SH3GL2: variants seen among roughly 807,000 people sequenced by gnomAD.
The protein encoded by SH3GL2 is SH3 domain containing GRB2 like 2, endophilin A1, also known as endophilin-A1.
A neutral mutation model predicts 46.0 loss-of-function variants in SH3GL2; 24 were observed. The ratio of observed to expected loss-of-function variants is 0.52; its 90% CI spans 0.38 to 0.73. The LOEUF is 0.73. SH3GL2 is among the 30% of genes least tolerant of loss of function. SH3GL2 has a pLI of 0.00. For synonymous variants in SH3GL2, 196 were observed against 147.1 expected, an observed-to-expected ratio of 1.33 and a Z score of -2.40; for missense variants, 413 against 424.2, an observed-to-expected ratio of 0.97 and a Z score of 0.23.
chr9:17,599,940 C>CTT (rs796276528), intron 1 of SH3GL2, among the ~76,000 whole-genome samples: 57 of 145,822 alleles, frequency 3.9e-4, no homozygotes, highest in African/African-American at 1.2e-3. Flanking sequence ...GACTGCCTAT[C>CTT]TTTTTTTTTT....
At chr9:17,671,903 C>A (rs561508563) in intron 1 of SH3GL2, among the ~76,000 whole-genome samples, 34 of 152,272 alleles carry the variant, frequency 2.2e-4, no homozygotes, top group Middle Eastern at 3.4e-3. Context: ...AGTATTTAAT[C>A]TTGTCTCATA....
intron 1 of SH3GL2, among the ~76,000 whole-genome samples, chr9:17,679,738 C>G (rs1408894343): frequency 1.3e-5 from 2 of 152,056 alleles, no homozygotes; most frequent in East Asian, 1.9e-4. Flanking sequence ...CAGGTTTTGC[C>G]CATTCAGTAT....
intron 1 of SH3GL2, among the ~76,000 whole-genome samples, chr9:17,714,219 C>G (rs942116292): frequency 1.3e-4 from 19 of 151,476 alleles, no homozygotes; most frequent in African/African-American, 4.4e-4. Flanking sequence ...ATTCTATTAC[C>G]TTTTTTCCTA....
chr9:17,652,189 A>AAAGCTCAGT (rs1199149232), intron 1 of SH3GL2, among the ~76,000 whole-genome samples: 1 of 152,130 alleles, frequency 6.6e-6, no homozygotes, highest in Admixed American at 6.5e-5. Flanking sequence ...GAAGGCATTT[A>AAAGCTCAGT]AAGCTCATAA....
chr9:17,720,292 G>T (rs778389590), intron 1 of SH3GL2, among the ~76,000 whole-genome samples: 1 of 152,106 alleles, frequency 6.6e-6, no homozygotes, highest in Non-Finnish European at 1.5e-5. Context: ...TCGATACTTA[G>T]ATTGTTAAAA....
At chr9:17,717,976 G>C (rs1482426464) in intron 1 of SH3GL2, among the ~76,000 whole-genome samples, 1 of 152,124 alleles carries the variant, frequency 6.6e-6, no homozygotes, top group African/African-American at 2.4e-5. Context: ...AAACATGACA[G>C]TAAGTTCATT....
At chr9:17,690,066 A>C (rs1379659092) in intron 1 of SH3GL2, among the ~76,000 whole-genome samples, 1 of 152,030 alleles carries the variant, frequency 6.6e-6, no homozygotes, top group Non-Finnish European at 1.5e-5. Context: ...TGACTCTTGG[A>C]AAGATTGTTC....
At chr9:17,752,103 A>G (rs2131138066) in intron 2 of SH3GL2, among the ~76,000 whole-genome samples, 1 of 152,322 alleles carries the variant, frequency 6.6e-6, no homozygotes, top group South Asian at 2.1e-4. Context: ...GTTGTTTGTC[A>G]GTTGGGCTTT....
intron 2 of SH3GL2, among the ~76,000 whole-genome samples, chr9:17,759,191 G>T (rs137944549): frequency 6.6e-6 from 1 of 152,158 alleles, no homozygotes; most frequent in Admixed American, 6.5e-5. Flanking sequence ...AGGGAAACCC[G>T]TGAAACTGAG....
intron 2 of SH3GL2, among the ~76,000 whole-genome samples, chr9:17,758,654 A>G (rs1823079142): frequency 6.7e-6 from 1 of 149,088 alleles, no homozygotes; most frequent in Non-Finnish European, 1.5e-5. Flanking sequence ...CCTCTTTAGT[A>G]TAATTCCTGA....
At chr9:17,762,837 T>C (rs1017047866) in intron 3 of SH3GL2, among the ~76,000 whole-genome samples, 1 of 152,210 alleles carries the variant, frequency 6.6e-6, no homozygotes, top group African/African-American at 2.4e-5. Flanking sequence ...ATTTATTCCT[T>C]ACTGTTTAAA....
chr9:17,773,604 T>G (rs1588322819), intron 3 of SH3GL2, among the ~76,000 whole-genome samples: 1 of 152,126 alleles, frequency 6.6e-6, no homozygotes, highest in Admixed American at 6.6e-5. Flanking sequence ...TTGTCAAAAA[T>G]CATTTGACCG....
intron 1 of SH3GL2, among the ~76,000 whole-genome samples, chr9:17,608,059 G>C (rs934953129): frequency 6.6e-6 from 1 of 150,526 alleles, no homozygotes; most frequent in Non-Finnish European, 1.5e-5. Context: ...TTGGGGGGCT[G>C]TTTTGCACTT....
chr9:17,740,361 C>T (rs1011123430), intron 1 of SH3GL2, among the ~76,000 whole-genome samples: 12 of 152,006 alleles, frequency 7.9e-5, no homozygotes, highest in African/African-American at 2.9e-4. Context: ...ATGGGGATAC[C>T]ACCATCTGGA....
At chr9:17,727,260 T>G (rs1822047264) in intron 1 of SH3GL2, among the ~76,000 whole-genome samples, 2 of 152,138 alleles carry the variant, frequency 1.3e-5, no homozygotes, top group South Asian at 4.1e-4. Context: ...ATACAGCAAA[T>G]AAGTTTTTGT....
At chr9:17,726,266 T>C (rs141183832) in intron 1 of SH3GL2, among the ~76,000 whole-genome samples, 285 of 152,294 alleles carry the variant, frequency 1.9e-3, no homozygotes, top group African/African-American at 6.5e-3. Context: ...ATTTAGCTTA[T>C]CTGATGGGCT....
chr9:17,644,229 CTTCT>C (rs1206497592), intron 1 of SH3GL2, among the ~76,000 whole-genome samples: 2 of 151,574 alleles, frequency 1.3e-5, no homozygotes, highest in Non-Finnish European at 2.9e-5. Context: ...TCTCTCTTTT[CTTCT>C]TTATTAGTCT....
chr9:17,689,626 C>G (rs538822187), intron 1 of SH3GL2, among the ~76,000 whole-genome samples: 88 of 150,858 alleles, frequency 5.8e-4, no homozygotes, highest in African/African-American at 2.0e-3. Context: ...CCCTGCTACT[C>G]TGGCCTGGTT....
chr9:17,669,901 A>G (rs542158863), intron 1 of SH3GL2, among the ~76,000 whole-genome samples: 1 of 152,298 alleles, frequency 6.6e-6, no homozygotes, highest in South Asian at 2.1e-4. Flanking sequence ...TAGGAGAAAG[A>G]AAAAGAACAG....
Sources: gnomAD v4.1 joint callset for allele counts (sites outside exome capture counted in the v4.1 genomes callset) on GRCh38, gnomAD v4.1.1 for gene constraint, MANE v1.5 for transcripts, NCBI Gene and HGNC (gene_info 2026-07-23, HGNC 2026-07-21) for gene names.